ARIH1: variants seen among roughly 807,000 people sequenced by gnomAD.
The protein encoded by ARIH1 is ariadne RBR E3 ubiquitin protein ligase 1.
In ARIH1, 8 loss-of-function variants were observed where a neutral mutation model predicts 85.0. That is an observed-to-expected ratio of 0.09 (90% CI 0.06 to 0.17). The LOEUF (loss-of-function observed/expected upper bound fraction) is 0.17, where lower values mean the gene tolerates loss of function less well. Ranked by LOEUF, ARIH1 falls within the 10% of genes least tolerant of loss-of-function variation. The pLI is 1.00. For synonymous variants in ARIH1, 238 were observed against 253.6 expected (o/e 0.94, Z 0.59); for missense variants, 311 against 718.1 (o/e 0.43, Z 6.48).
chr15:72,545,823 C>T lies in ARIH1; in HGVS notation c.588+859C>T, dbSNP rs148038572. ...CAGCCTGGGCGACAGAGTGAGACTC[C>T]GTCTCAAAATATAAAATAGAATTTA... On this transcript the variant is annotated intron_variant, in intron 3 of 13. Coordinates refer to ENST00000379887, the MANE Select transcript of ARIH1 (RefSeq NM_005744.5). Among the ~76,000 whole-genome samples, 421 of 152,222 alleles carry T rather than the reference C, an allele frequency of 2.8e-3. 3 individuals carry two copies. Among genetic ancestry groups the T allele is most frequent in the Non-Finnish European group, 4.6e-3 (315 of 67,998 alleles).
chr15:72,523,271 A>G (rs1474157335), intron 2 of ARIH1, among the ~76,000 whole-genome samples: 3 of 152,242 alleles, frequency 2.0e-5, no homozygotes, highest in Non-Finnish European at 4.4e-5. Context: ...AAGGATGAGT[A>G]AACTGTGGTA....
chr15:72,496,788 C>T (rs779288184), intron 1 of ARIH1: 1 of 985,174 alleles, frequency 1.0e-6, no homozygotes, highest in Non-Finnish European at 1.2e-6. Flanking sequence ...CTGTCTGTTA[C>T]AGTGCATATT....
intron 11 of ARIH1, among the ~76,000 whole-genome samples, chr15:72,579,377 G>T (rs1465609817): frequency 6.6e-6 from 1 of 152,256 alleles, no homozygotes; most frequent in South Asian, 2.1e-4. Flanking sequence ...AGTGGTTGGG[G>T]GGGGAGCCCA....
chr15:72,601,386 C>T lies in ARIH1; in HGVS notation c.*18094C>T, dbSNP rs2064382009. Reference sequence around the variant, plus strand: ...TCCTCATATGGCCTTTGTGGATCTGCACTCCTACCTCTTCTCCTATTGCAA... The same window carrying T: ...TCCTCATATGGCCTTTGTGGATCTGTACTCCTACCTCTTCTCCTATTGCAA... On this transcript the variant is annotated 3_prime_UTR_variant, in exon 14 of 14. Transcript: ENST00000379887. 1.3e-5 allele frequency: 2 copies of T among 152,138 alleles called. No homozygotes were observed. The highest frequency in any genetic ancestry group is 6.5e-5 in the Admixed American group (1 of 15,280). 9.4% of individuals were successfully genotyped at this position (152,138 alleles called of 1,614,324 possible). A position where few individuals can be genotyped will look rare whatever the true frequency, so the allele number is the denominator to read the frequency against.
At chr15:72,555,828 A>G (rs1236526026) in intron 4 of ARIH1, 24 bp from the exon 5 acceptor site, 3 of 1,604,274 alleles carry the variant, frequency 1.9e-6, no homozygotes, top group Non-Finnish European at 2.6e-6. Context: ...GAATGAAGAC[A>G]GTTTAAATTT....
chr15:72,514,314 A>G (rs1180677302), intron 1 of ARIH1, among the ~76,000 whole-genome samples: 1 of 152,200 alleles, frequency 6.6e-6, no homozygotes, highest in Non-Finnish European at 1.5e-5. Flanking sequence ...TTGTGTTGCC[A>G]TATCTTCAAG....
Position 72,518,430 on chromosome 15 carries a change from A to AG in ARIH1, c.443+297dup, listed in dbSNP as rs573414894. Reference sequence around the variant, plus strand: ...GGTACCAAGAACTGAAAGCAGGTAGAGAAAAAAAGCACCTGATAACATTCT... The same window carrying AG: ...GGTACCAAGAACTGAAAGCAGGTAGAGGAAAAAAAGCACCTGATAACATTCT... On this transcript the variant is annotated intron_variant, in intron 2 of 13. Coordinates refer to ENST00000379887, the MANE Select transcript of ARIH1 (RefSeq NM_005744.5). Among the ~76,000 whole-genome samples, 24 of 152,288 alleles carry AG rather than the reference A, an allele frequency of 1.6e-4. No individual in the cohort carries two copies. The East Asian group carries it at 4.6e-3, about 29-fold the overall frequency.
At chr15:72,506,351 CAAA>C (rs71134002) in intron 1 of ARIH1, among the ~76,000 whole-genome samples, 1 of 73,064 alleles carries the variant, frequency 1.4e-5, no homozygotes, top group Non-Finnish European at 2.4e-5. Flanking sequence ...CTCCGTCTCA[CAAA>C]AAAAAAAAAA....
intron 2 of ARIH1, 112 bp from the exon 3 acceptor site, chr15:72,544,708 T>G: frequency 2.1e-6 from 2 of 971,662 alleles, no homozygotes; most frequent in South Asian, 3.8e-5. Flanking sequence ...GTTGTTATCT[T>G]GTTTTATTTT....
chr15:72,568,546 A>G (rs1168036247), intron 9 of ARIH1, among the ~76,000 whole-genome samples: 1 of 152,210 alleles, frequency 6.6e-6, no homozygotes, highest in Non-Finnish European at 1.5e-5. Context: ...TGTAAAACAA[A>G]TTTAGCTGCT....
intron 1 of ARIH1, among the ~76,000 whole-genome samples, chr15:72,492,434 GT>G (rs1481204410): frequency 1.1e-4 from 17 of 152,224 alleles, no homozygotes; most frequent in African/African-American, 4.1e-4. Flanking sequence ...TAGTTCTTTA[GT>G]AAAGTTCTCA....
At chr15:72,559,646 T>C (rs2064189571) in intron 5 of ARIH1, among the ~76,000 whole-genome samples, 1 of 152,178 alleles carries the variant, frequency 6.6e-6, no homozygotes, top group Admixed American at 6.5e-5. Context: ...CATCACCTAA[T>C]TGCAGACTAT....
At chr15:72,551,054 C>T (rs947414771) in intron 3 of ARIH1, among the ~76,000 whole-genome samples, 2 of 151,990 alleles carry the variant, frequency 1.3e-5, no homozygotes, top group Admixed American at 6.6e-5. Flanking sequence ...TCTGTCCTAA[C>T]GAGATATTTG....
At chr15:72,498,708 T>C (rs2063890165) in intron 1 of ARIH1, among the ~76,000 whole-genome samples, 1 of 151,714 alleles carries the variant, frequency 6.6e-6, no homozygotes, top group Admixed American at 6.6e-5. Flanking sequence ...GGTGTGGTGG[T>C]GCATGCCTGT....
intron 1 of ARIH1, among the ~76,000 whole-genome samples, chr15:72,490,416 G>T (rs962928286): frequency 1.3e-5 from 2 of 152,108 alleles, no homozygotes; most frequent in Admixed American, 1.3e-4. Context: ...ATTGGCAGCG[G>T]CATTAGATTC....
intron 1 of ARIH1, among the ~76,000 whole-genome samples, chr15:72,490,365 C>G (rs944772886): frequency 6.6e-6 from 1 of 152,148 alleles, no homozygotes; most frequent in Non-Finnish European, 1.5e-5. Flanking sequence ...AGGAGGCGAG[C>G]AGCCAGGGAG....
At chr15:72,528,779 C>A (rs2064041645) in intron 2 of ARIH1, among the ~76,000 whole-genome samples, 1 of 152,060 alleles carries the variant, frequency 6.6e-6, no homozygotes, top group African/African-American at 2.4e-5. Context: ...TGCTGGAGCC[C>A]AGGAGGGTGG....
chr15:72,567,015 A>G (rs1033477940), intron 8 of ARIH1, 91 bp from the exon 9 acceptor site: 15 of 922,902 alleles, frequency 1.6e-5, no homozygotes, highest in Middle Eastern at 3.1e-4. Flanking sequence ...ATTGGCTTTT[A>G]CATTTAAGCT....
At chr15:72,489,619 A>G (rs1307087981) in intron 1 of ARIH1, among the ~76,000 whole-genome samples, 1 of 152,228 alleles carries the variant, frequency 6.6e-6, no homozygotes, top group South Asian at 2.1e-4. Context: ...TGCCTAAAGC[A>G]CTTCTGCATA....
Sources: gnomAD v4.1 joint callset for allele counts (sites outside exome capture counted in the v4.1 genomes callset) on GRCh38, gnomAD v4.1.1 for gene constraint, MANE v1.5 for transcripts, NCBI Gene and HGNC (gene_info 2026-07-23, HGNC 2026-07-21) for gene names.